CATSPERG: variants seen among roughly 807,000 people sequenced by gnomAD.
CATSPERG encodes the protein cation channel sperm-associated auxiliary subunit gamma.
CATSPERG carries 115 observed loss-of-function variants against 145.0 expected under a neutral mutation model. The ratio of observed to expected loss-of-function variants is 0.79; its 90% CI spans 0.68 to 0.93. CATSPERG has a LOEUF of 0.93. CATSPERG is among the 40% of genes least tolerant of loss of function. The probability of loss-of-function intolerance (pLI) is 0.00; values close to 1 mark genes in which losing one functional copy is unlikely to be tolerated. For synonymous variants in CATSPERG, 588 were observed against 589.0 expected (o/e 1.00, Z 0.02); for missense variants, 1,296 against 1,490.1 (o/e 0.87, Z 2.14).
chr19:38,366,717 T>G (rs1970456135), intron 22 of CATSPERG: 2 of 153,840 alleles, frequency 1.3e-5, no homozygotes, highest in African/African-American at 4.9e-5. Flanking sequence ...TTTTTTTTTT[T>G]TGAGACAGAG....
chr19:38,352,298 GC>G lies in CATSPERG; in HGVS notation c.868del (p.His290IlefsTer71). Reference sequence around the variant, plus strand: ...AGTTGCTGGGTGGGCTCCTTCTACTGCCCCCATTCTGGCTTCACAGCCACCA... The same window carrying G: ...AGTTGCTGGGTGGGCTCCTTCTACTGCCCCATTCTGGCTTCACAGCCACCA... ...IDSCWVGSFY[C>X]PHSGFTATIY... is the part of the protein sequence containing the mutation. On this transcript the variant is annotated frameshift_variant, in exon 8 of 29. Transcript: ENST00000409235. LOFTEE classifies it high-confidence loss of function. 1 of 1,551,498 alleles carries G rather than the reference GC, an allele frequency of 6.4e-7. No individual in the cohort carries two copies.
intron 7 of CATSPERG, among the ~76,000 whole-genome samples, chr19:38,348,392 C>T (rs986224155): frequency 2.0e-5 from 3 of 151,850 alleles, no homozygotes; most frequent in African/African-American, 7.3e-5. Context: ...AACTCCTGCC[C>T]TTAAGCAATC....
At chr19:38,354,604 A>C (rs1449919007) in intron 8 of CATSPERG, 106 bp from the exon 9 acceptor site, 1 of 1,349,982 alleles carries the variant, frequency 7.4e-7, no homozygotes. Flanking sequence ...GTGCTTCAGC[A>C]TGAGAGGACA....
intron 20 of CATSPERG, 107 bp downstream of exon 20, chr19:38,362,939 G>T (rs1970380043): frequency 2.6e-6 from 2 of 775,236 alleles, no homozygotes; most frequent in Non-Finnish European, 4.2e-6. Flanking sequence ...AGTGCCAGTG[G>T]AGCGATCACT....
At chr19:38,362,044 G>C in intron 17 of CATSPERG, 166 bp from the exon 18 acceptor site, 1 of 938,834 alleles carries the variant, frequency 1.1e-6, no homozygotes, top group Non-Finnish European at 1.6e-6. Flanking sequence ...AGGCGTTGGG[G>C]GTGTGGCCGG....
At chr19:38,351,525 G>A (rs984113473) in intron 7 of CATSPERG, among the ~76,000 whole-genome samples, 4 of 150,934 alleles carry the variant, frequency 2.7e-5, no homozygotes, top group South Asian at 4.2e-4. Context: ...GGAGAATGGC[G>A]TGAACCCGGG....
At chr19:38,357,386 G>T (rs554171300) in intron 11 of CATSPERG, among the ~76,000 whole-genome samples, 27 of 151,210 alleles carry the variant, frequency 1.8e-4, no homozygotes, top group African/African-American at 6.3e-4. Flanking sequence ...AGCTGAGTAT[G>T]GAGTCGCACC....
chr19:38,361,310 T>G (rs1288695891), intron 16 of CATSPERG, among the ~76,000 whole-genome samples: 2 of 151,336 alleles, frequency 1.3e-5, no homozygotes, highest in South Asian at 2.1e-4. Flanking sequence ...CTGCGGAGGG[T>G]GGATCAGAGC....
chr19:38,356,683 G>T, intron 10 of CATSPERG, 59 bp from the exon 11 acceptor site: 1 of 1,606,220 alleles, frequency 6.2e-7, no homozygotes, highest in Non-Finnish European at 8.5e-7. Flanking sequence ...GGTACAGCTG[G>T]CACAGGACCA....
Position 38,358,553 on chromosome 19 carries a change from C to T in CATSPERG, c.1488C>T (p.Leu496=). 1 of 1,614,180 alleles carries T rather than the reference C, an allele frequency of 6.2e-7. No homozygotes were observed. Among genetic ancestry groups the T allele is most frequent in the South Asian group, 1.1e-5 (1 of 91,080 alleles). The part of the protein sequence containing the change: ...NNLIFIWGNF[L]LQSSNKENFI... ...TGATCTTCATCTGGGGCAACTTCCT[C>T]CTGCAGAGGTGGGCCTCTACCACCC... Residue 496 remains leucine, a synonymous_variant, in exon 13 of 29, where the codon CTC becomes CTT. Coordinates refer to ENST00000409235, the MANE Select transcript of CATSPERG (RefSeq NM_021185.5).
chr19:38,359,630 C>T (rs1460368718), intron 14 of CATSPERG, 49 bp downstream of exon 14: 1 of 1,535,084 alleles, frequency 6.5e-7, no homozygotes, highest in East Asian at 2.4e-5. Flanking sequence ...CACCCCCAAA[C>T]CCCAGGGGCC....
At chr19:38,359,833 T>C in intron 14 of CATSPERG, 1 of 1,231,486 alleles carries the variant, frequency 8.1e-7, no homozygotes, top group Non-Finnish European at 1.0e-6. Flanking sequence ...GTGTGGTCGT[T>C]CACTTCATAA....
At chr19:38,359,426 C>A in intron 13 of CATSPERG, 44 bp from the exon 14 acceptor site, 2 of 1,295,246 alleles carry the variant, frequency 1.5e-6, no homozygotes, top group Non-Finnish European at 2.2e-6. Context: ...TTGGGGGAAG[C>A]GGCTGTCCAG....
intron 1 of CATSPERG, among the ~76,000 whole-genome samples, chr19:38,336,856 G>C (rs753882567): frequency 6.6e-6 from 1 of 152,086 alleles, no homozygotes; most frequent in Non-Finnish European, 1.5e-5. Context: ...GGGGCGGAAC[G>C]AGGCGGAGGA....
At chr19:38,352,579 TG>T in intron 8 of CATSPERG, 147 bp downstream of exon 8, 1 of 699,296 alleles carries the variant, frequency 1.4e-6, no homozygotes. Context: ...CCACCCCGAA[TG>T]GGCCTTGCCT....
intron 24 of CATSPERG, 50 bp from the exon 25 acceptor site, chr19:38,367,631 C>T (rs749339487): frequency 7.0e-5 from 113 of 1,610,404 alleles, no homozygotes; most frequent in Non-Finnish European, 9.0e-5. Flanking sequence ...GAGATGGGTG[C>T]AGGACTCGAG....
intron 7 of CATSPERG, among the ~76,000 whole-genome samples, chr19:38,349,928 G>A (rs1033047132): frequency 6.6e-6 from 1 of 152,160 alleles, no homozygotes; most frequent in Admixed American, 6.6e-5. Context: ...GCCTCCCAAA[G>A]TGTTGGGATT....
chr19:38,339,006 TGA>T (rs1001842557), intron 3 of CATSPERG, among the ~76,000 whole-genome samples: 3 of 151,738 alleles, frequency 2.0e-5, no homozygotes, highest in Non-Finnish European at 4.4e-5. Flanking sequence ...AAAGGCAGTT[TGA>T]GAGAGAGAAG....
chr19:38,349,219 T>C (rs2270093), intron 7 of CATSPERG: 34,694 of 151,872 alleles, frequency 0.23, 4,190 homozygotes, highest in Admixed American at 0.32. Context: ...GCAGCCTCCA[T>C]CTCCTGGGTT....
Sources: gnomAD v4.1 joint callset for allele counts (sites outside exome capture counted in the v4.1 genomes callset) on GRCh38, gnomAD v4.1.1 for gene constraint, MANE v1.5 for transcripts, NCBI Gene and HGNC (gene_info 2026-07-23, HGNC 2026-07-21) for gene names.